The following PARP10 variants were observed in gnomAD, a reference collection of about 807,000 sequenced individuals.
PARP10 encodes the protein protein mono-ADP-ribosyltransferase PARP10.
A neutral mutation model predicts 82.4 loss-of-function variants in PARP10; 56 were observed. The observed-to-expected ratio is 0.68, with a 90% confidence interval of 0.55 to 0.85. The LOEUF (loss-of-function observed/expected upper bound fraction) is 0.85. Among genes scored for constraint, PARP10 ranks in the 40% least tolerant of loss-of-function variants. The pLI, the probability that PARP10 is intolerant of heterozygous loss-of-function variation, is 0.00. For synonymous variants in PARP10, 576 were observed against 601.1 expected, an observed-to-expected ratio of 0.96 and a Z score of 0.61; for missense variants, 1,227 against 1,379.4, an observed-to-expected ratio of 0.89 and a Z score of 1.75.
chr8:143,977,778 C>T lies in PARP10; in HGVS notation c.2784G>A (p.Val928=). 6.2e-7 allele frequency: 1 copy of T among 1,603,942 alleles called. No homozygotes were observed. The stretch of plus-strand genomic sequence containing the variant: ...CGTTGGGGGGCGAGTAGCGGTCCTG[C>T]ACCGACAGGGAGGCGCGCCTGGCGA... ...VYFARRASLS[V]QDRYSPPNAD... The change falls in exon 11 of 11, where the codon GTG becomes GTA. Residue 928 remains valine, a synonymous_variant. Transcript: ENST00000313028.
In PARP10 at chr8:143,978,037, C is replaced by G. The variant is rs782346647; in HGVS notation, c.2601G>C (p.Leu867=). 6.4e-7 allele frequency: 1 copy of G among 1,572,922 alleles called. No homozygotes were observed. Among genetic ancestry groups the G allele is most frequent in the Non-Finnish European group, 8.6e-7 (1 of 1,165,196 alleles). Residue 867 remains leucine (L), a synonymous_variant, in exon 10 of 11, where the codon CTG becomes CTC. Coordinates refer to ENST00000313028, the MANE Select transcript of PARP10 (RefSeq NM_032789.5). The part of the protein sequence containing the change: ...SHPLLQQQYE[L]YRERLLQRCE... ...ATCGCTGCAGCAGGCGCTCCCGGTA[C>G]AGCTCATACTGCTGCTGCAGCAGCG...
intron 1 of PARP10, among the ~76,000 whole-genome samples, chr8:144,001,544 TA>T (rs1261295925): frequency 6.6e-6 from 1 of 152,040 alleles, no homozygotes; most frequent in Non-Finnish European, 1.5e-5. Context: ...CCGTCTGTAC[TA>T]AAAATACAAA....
chr8:143,983,827 G>C lies in PARP10; in HGVS notation c.1778-16C>G. 4.5e-6 allele frequency: 7 copies of C among 1,557,966 alleles called. No homozygotes were observed. Among genetic ancestry groups the C allele is most frequent in the Non-Finnish European group, 6.1e-6 (7 of 1,151,496 alleles). On this transcript the variant is annotated splice_polypyrimidine_tract_variant and intron_variant, in intron 7 of 10. Coordinates refer to ENST00000313028, the MANE Select transcript of PARP10 (RefSeq NM_032789.5). ...CGGACCTCCTCTGGGGGCAGGGAGA[G>C]GCCATTGGGTCAGGGGCTGGACCCA... is the stretch of plus-strand genomic sequence containing the variant.
At chr8:144,001,694 A>G (rs1204361930) in intron 1 of PARP10, among the ~76,000 whole-genome samples, 1 of 152,108 alleles carries the variant, frequency 6.6e-6, no homozygotes, top group Non-Finnish European at 1.5e-5. Flanking sequence ...CAACAAGAGC[A>G]AAACTCCATC....
At chr8:143,996,463 C>G (rs1834165728) in intron 1 of PARP10, among the ~76,000 whole-genome samples, 1 of 152,200 alleles carries the variant, frequency 6.6e-6, no homozygotes, top group African/African-American at 2.4e-5. Context: ...GTGAAACCAG[C>G]ACGGGAACCC....
Position 143,984,222 on chromosome 8 carries a change from T to C in PARP10, c.1668A>G (p.Thr556=), listed in dbSNP as rs782198472. Residue 556 remains threonine, a synonymous_variant, in exon 6 of 11, where the codon ACA becomes ACG. Coordinates refer to ENST00000313028, the MANE Select transcript of PARP10 (RefSeq NM_032789.5). ...TERLATATLD[T]GLEEVDPTEA... Reference sequence around the variant, plus strand: ...ACTCCATCTCTACCTCTTCAAGGCCTGTGTCCAACGTGGCTGTGGCCAGGC... The same window carrying C: ...ACTCCATCTCTACCTCTTCAAGGCCCGTGTCCAACGTGGCTGTGGCCAGGC... The C allele has an allele frequency of 3.1e-6, 5 of 1,613,486 alleles. No homozygotes were observed. In the African/African-American group the frequency reaches 6.7e-5, roughly 22 times the overall value.
rs1554746558 is a variant in PARP10 at position 143,977,684 on chromosome 8, G to C, written c.2878C>G (p.Leu960Val). Reference sequence around the variant, plus strand: ...GGACCCCGCAGAGGGGGCGCCCGCAGACCGCGGCGGCCCTGCCCGTAGTCG... The same window carrying C: ...GGACCCCGCAGAGGGGGCGCCCGCACACCGCGGCGGCCCTGCCCGTAGTCG... ...TGDYGQGRRG[L>V]RAPPLRGPGH... is the part of the protein sequence containing the mutation. Residue 960 changes from leucine (L) to valine (V), a missense_variant, in exon 11 of 11, where the codon CTG becomes GTG. Physicochemically the swap from Leu to Val is conservative, Grantham distance 32 (BLOSUM62 1). Coordinates refer to ENST00000313028, the MANE Select transcript of PARP10 (RefSeq NM_032789.5). 6.3e-7 allele frequency: 1 copy of C among 1,592,098 alleles called. No homozygotes were observed. The highest frequency in any genetic ancestry group is 1.7e-5 in the Admixed American group (1 of 57,626).
At chr8:143,992,350 A>G (rs939861519), upstream of PARP10, 4 of 1,595,114 alleles carry the variant, frequency 2.5e-6, no homozygotes, top group Non-Finnish European at 3.4e-6. Context: ...CGTCTGCTTC[A>G]CCGTCGTCAT....
At position 144,011,763 on chromosome 8, in the gene PARP10, G is replaced by A. The variant is rs1554752519; in HGVS notation, c.-80+767C>T. Among the ~76,000 whole-genome samples the A allele has an allele frequency of 6.6e-6, 1 of 152,124 alleles. No homozygotes were observed. Among genetic ancestry groups the A allele is most frequent in the African/African-American group, 2.4e-5 (1 of 41,416 alleles). The stretch of plus-strand genomic sequence containing the variant: ...GAGATCCAAGTGCGGAGAAGGCAAC[G>A]ACGGGAGATTTGGAATAGGGAACGC... On this transcript the variant is annotated intron_variant, in intron 1 of 3. Transcript: ENST00000530478. This position sits in a 1 kb window ranked among gnomAD's most constrained non-coding sequence, Gnocchi z 4.5.
intron 1 of PARP10, among the ~76,000 whole-genome samples, chr8:144,012,006 A>C (rs187447604): frequency 2.1e-4 from 32 of 152,306 alleles, no homozygotes; most frequent in African/African-American, 6.7e-4. Context: ...GTTTTCATTC[A>C]ACAAATATTT....
At chr8:143,994,332 C>G (rs977521584), upstream of PARP10, among the ~76,000 whole-genome samples, 1 of 152,320 alleles carries the variant, frequency 6.6e-6, no homozygotes, top group South Asian at 2.1e-4. Context: ...GGGGCTGCCC[C>G]GCTTCCCTCT....
chr8:143,985,623 G>C lies in PARP10; in HGVS notation c.462C>G (p.Ala154=), dbSNP rs782377910. ...AGGTCCCCTCCAGGCCCAGATTCTG[G>C]GCCTGCTCCTCCAGGACACGGACAT... is the stretch of plus-strand genomic sequence containing the variant. ...EADVRVLEEQ[A]QNLGLEGTLV... The change falls in exon 4 of 11, where the codon GCC becomes GCG. Residue 154 remains alanine, a synonymous_variant. Coordinates refer to ENST00000313028, the MANE Select transcript of PARP10 (RefSeq NM_032789.5). The C allele has an allele frequency of 6.2e-7, 1 of 1,613,586 alleles. No individual in the cohort carries two copies. Among genetic ancestry groups the C allele is most frequent in the South Asian group, 1.1e-5 (1 of 91,084 alleles).
chr8:143,991,209 G>A (rs782706201), upstream of PARP10: 16 of 1,556,076 alleles, frequency 1.0e-5, 1 homozygote, highest in Admixed American at 1.9e-4. Flanking sequence ...GGGGCGGACC[G>A]CGGAACCCGA....
In PARP10 at chr8:143,986,208, C is replaced by T. The variant is rs1462268531; in HGVS notation, c.28G>A (p.Gly10Arg). 6.2e-7 allele frequency: 1 copy of T among 1,613,878 alleles called. No homozygotes were observed. The highest frequency in any genetic ancestry group is 1.3e-5 in the African/African-American group (1 of 74,926). Residue 10 changes from glycine to arginine, a missense_variant, in exon 2 of 11, where the codon GGG becomes AGG. Transcript: ENST00000313028. Reference sequence around the variant, plus strand: ...AGTCCACGGACCTCCACTGCCACCCCTGCCTCTGCCTCCGCCATTGCAACC... The same window carrying T: ...AGTCCACGGACCTCCACTGCCACCCTTGCCTCTGCCTCCGCCATTGCAACC... MVAMAEAEA[G>R]VAVEVRGLPP...
intron 9 of PARP10, among the ~76,000 whole-genome samples, chr8:143,979,403 T>A (rs1386340366): frequency 6.6e-6 from 1 of 152,168 alleles, no homozygotes; most frequent in Admixed American, 6.5e-5. Context: ...TTTTTAACTT[T>A]CCAAGAAAAA....
chr8:143,988,116 G>A (rs1469269698), upstream of PARP10, among the ~76,000 whole-genome samples: 3 of 138,548 alleles, frequency 2.2e-5, no homozygotes, highest in East Asian at 4.2e-4. Context: ...AACCCCCATG[G>A]CCACCCCTCT....
rs1469816152 is a variant in PARP10 at position 143,985,712 on chromosome 8, G to A, written c.436+9C>T. 6.2e-7 allele frequency: 1 copy of A among 1,603,048 alleles called. No homozygotes were observed. The highest frequency in any genetic ancestry group is 8.5e-7 in the Non-Finnish European group (1 of 1,173,256). ...TAGCCAGCACCTCAACCCCAACCCT[G>A]CCTCTCACCTGCCTCAGAAAGGGGC... On this transcript the variant is annotated intron_variant, in intron 3 of 10. Transcript: ENST00000313028.
rs112055479 is a variant in PARP10 at position 143,984,599 on chromosome 8, C to T, written c.1403G>A (p.Gly468Asp). 8.1e-6 allele frequency: 13 copies of T among 1,613,714 alleles called. No individual in the cohort carries two copies. The highest frequency in any genetic ancestry group is 1.1e-5 in the Non-Finnish European group (13 of 1,179,866). Residue 468 changes from glycine to aspartate, a missense_variant, in exon 5 of 11, where the codon GGC becomes GAC. Physicochemically the swap from Gly to Asp is moderately conservative, Grantham distance 94. Transcript: ENST00000313028. ...TGGCAAGAGAGCGACGTCTCCCAGGCCCGCAAGAAGGTCCTCATGGTAGAG... is the reference window on the plus strand; with the variant it reads ...TGGCAAGAGAGCGACGTCTCCCAGGTCCGCAAGAAGGTCCTCATGGTAGAG... ...LQLYHEDLLA[G>D]LGDVALLPLE...
chr8:144,000,067 A>C (rs532345396), intron 1 of PARP10, among the ~76,000 whole-genome samples: 1 of 152,304 alleles, frequency 6.6e-6, no homozygotes, highest in South Asian at 2.1e-4. Context: ...GACTTGCATA[A>C]AAAGAAGGTT....
Sources: gnomAD v4.1 joint callset for allele counts (sites outside exome capture counted in the v4.1 genomes callset) on GRCh38, gnomAD v4.1.1 for gene constraint, Gnocchi (gnomAD v3.1) non-coding constraint, MANE v1.5 for transcripts, NCBI Gene and HGNC (gene_info 2026-07-23, HGNC 2026-07-21) for gene names.